Variants in CA10 observed in about 807,000 individuals in gnomAD.
CA10 encodes carbonic anhydrase-related protein 10.
Under a neutral mutation model 44.2 loss-of-function variants are expected in CA10, and 14 were observed. The ratio of observed to expected loss-of-function variants is 0.32; its 90% CI spans 0.21 to 0.50. The LOEUF (loss-of-function observed/expected upper bound fraction) is 0.50. CA10 is among the 20% of genes least tolerant of loss of function. CA10 has a pLI of 0.99. For synonymous variants in CA10, 159 were observed against 141.6 expected, an observed-to-expected ratio of 1.12 and a Z score of -0.87; for missense variants, 350 against 409.7, an observed-to-expected ratio of 0.85 and a Z score of 1.26.
chr17:51,685,967 C>T (rs1914994536), intron 4 of CA10, among the ~76,000 whole-genome samples: 1 of 152,160 alleles, frequency 6.6e-6, no homozygotes, highest in Non-Finnish European at 1.5e-5. Flanking sequence ...ACCTGGGGTG[C>T]CCCAGGGATT....
At chr17:51,981,938 C>T (rs1454399841) in intron 2 of CA10, among the ~76,000 whole-genome samples, 1 of 151,970 alleles carries the variant, frequency 6.6e-6, no homozygotes, top group Non-Finnish European at 1.5e-5. Flanking sequence ...TTTTCCCTAA[C>T]ATTTTCTACA....
intron 4 of CA10, among the ~76,000 whole-genome samples, chr17:51,701,953 C>T (rs2143462275): frequency 6.6e-6 from 1 of 152,304 alleles, no homozygotes; most frequent in East Asian, 1.9e-4. Flanking sequence ...GTCTTGTCCT[C>T]AGGTTGGCAC....
chr17:51,839,930 A>G (rs1978305303), intron 3 of CA10, among the ~76,000 whole-genome samples: 1 of 152,160 alleles, frequency 6.6e-6, no homozygotes, highest in African/African-American at 2.4e-5. Context: ...TCTTCCTTCT[A>G]TTGTATCATT....
At chr17:51,914,438 C>T (rs940422337) in intron 3 of CA10, among the ~76,000 whole-genome samples, 1 of 152,142 alleles carries the variant, frequency 6.6e-6, no homozygotes, top group Non-Finnish European at 1.5e-5. Context: ...ATTAACTACC[C>T]ATTCAGAAAT....
intron 1 of CA10, among the ~76,000 whole-genome samples, chr17:52,073,530 C>T (rs958244614): frequency 2.0e-5 from 3 of 152,176 alleles, no homozygotes; most frequent in African/African-American, 7.2e-5. Flanking sequence ...CCCACTCCTT[C>T]TGGAACTGAC....
chr17:51,880,356 G>A (rs1281756695), intron 3 of CA10, among the ~76,000 whole-genome samples: 1 of 151,982 alleles, frequency 6.6e-6, no homozygotes, highest in Non-Finnish European at 1.5e-5. Flanking sequence ...ACCCAGGCTG[G>A]AGTGCAGTGG....
Position 51,717,561 on chromosome 17 carries a change from A to G in CA10, c.465+30072T>C, listed in dbSNP as rs1250482089. On this transcript the variant is annotated intron_variant, in intron 4 of 8. Coordinates refer to ENST00000451037, the MANE Select transcript of CA10 (RefSeq NM_020178.5). ...TATATATATATATATATATATATAT[A>G]ATATTACATAAATATATAAAAATAT... 3.9e-4 allele frequency among the ~76,000 whole-genome samples: 50 copies of G among 128,456 alleles called. 3 individuals carry two copies. The highest frequency in any genetic ancestry group is 1.4e-3 in the African/African-American group (48 of 34,314). 84.3% of individuals were successfully genotyped at this position (128,456 alleles called of 152,430 possible). A position where few individuals can be genotyped will look rare whatever the true frequency, so the allele number is the denominator to read the frequency against.
chr17:52,014,393 T>C (rs1437837926), intron 2 of CA10, among the ~76,000 whole-genome samples: 1 of 152,056 alleles, frequency 6.6e-6, no homozygotes, highest in Non-Finnish European at 1.5e-5. Context: ...AAGAATAGGC[T>C]ATTTAACAAA....
intron 2 of CA10, among the ~76,000 whole-genome samples, chr17:52,071,290 G>C (rs1987673423): frequency 6.6e-6 from 1 of 152,004 alleles, no homozygotes; most frequent in African/African-American, 2.4e-5. Context: ...CTTTTTCCTG[G>C]GTCACCCACT....
intron 3 of CA10, among the ~76,000 whole-genome samples, chr17:51,896,542 A>AG (rs1455246140): frequency 6.6e-6 from 1 of 152,102 alleles, no homozygotes; most frequent in Non-Finnish European, 1.5e-5. Context: ...GCTGTGATGA[A>AG]GATACGCATG....
intron 1 of CA10, among the ~76,000 whole-genome samples, chr17:52,157,150 A>G (rs1262241585): frequency 6.6e-6 from 1 of 152,178 alleles, no homozygotes; most frequent in Non-Finnish European, 1.5e-5. Flanking sequence ...GTAGTGCTTT[A>G]ACAAGAAAAT....
intron 3 of CA10, among the ~76,000 whole-genome samples, chr17:51,878,191 A>G (rs76558875): frequency 6.6e-6 from 1 of 151,598 alleles, no homozygotes; most frequent in Non-Finnish European, 1.5e-5. Flanking sequence ...AGAAAAAAAC[A>G]CAATGATTCA....
chr17:51,974,406 A>G (rs1053313676), intron 2 of CA10, among the ~76,000 whole-genome samples: 14 of 151,386 alleles, frequency 9.2e-5, no homozygotes, highest in Admixed American at 9.2e-4. Flanking sequence ...AAACAAAAAC[A>G]AAAGGAATTG....
intron 4 of CA10, among the ~76,000 whole-genome samples, chr17:51,728,097 A>G (rs1447496281): frequency 1.3e-5 from 2 of 152,070 alleles, no homozygotes; most frequent in African/African-American, 4.8e-5. Flanking sequence ...TTGCTATGTT[A>G]CCTAGGCTGG....
chr17:51,908,069 GTCCTGTGTGA>G (rs1981636463), intron 3 of CA10, among the ~76,000 whole-genome samples: 1 of 152,184 alleles, frequency 6.6e-6, no homozygotes, highest in Non-Finnish European at 1.5e-5. Context: ...ATCAGACCCA[GTCCTGTGTGA>G]TCTCAAAGGC....
chr17:51,757,856 G>T (rs1290846342), intron 3 of CA10, among the ~76,000 whole-genome samples: 1 of 151,428 alleles, frequency 6.6e-6, no homozygotes, highest in Admixed American at 6.6e-5. Context: ...TTTAGGAGTA[G>T]GCCTTTTTTT....
chr17:52,106,419 G>T (rs1311183721), intron 1 of CA10, among the ~76,000 whole-genome samples: 1 of 152,200 alleles, frequency 6.6e-6, no homozygotes, highest in Non-Finnish European at 1.5e-5. Context: ...GGAGGTGTGA[G>T]AAATGAGTTA....
At chr17:51,981,632 C>T (rs547976238) in intron 2 of CA10, among the ~76,000 whole-genome samples, 191 of 152,060 alleles carry the variant, frequency 1.3e-3, no homozygotes, top group Non-Finnish European at 2.4e-3. Context: ...CTGAATTTTA[C>T]AGCTATGGCA....
intron 2 of CA10, among the ~76,000 whole-genome samples, chr17:52,044,333 T>G (rs745573378): frequency 6.6e-6 from 1 of 152,112 alleles, no homozygotes; most frequent in Non-Finnish European, 1.5e-5. Context: ...AGACAGGGTC[T>G]CCCTCTGTTG....
Sources: allele counts gnomAD v4.1 joint callset (sites outside exome capture counted in the v4.1 genomes callset), GRCh38; gene constraint gnomAD v4.1.1; transcripts MANE v1.5; gene names NCBI Gene and HGNC (gene_info 2026-07-23, HGNC 2026-07-21).